INSC: variants seen among roughly 807,000 people sequenced by gnomAD.
The protein encoded by INSC is INSC spindle orientation adaptor protein.
A neutral mutation model predicts 58.6 loss-of-function variants in INSC; 67 were observed. That is an observed-to-expected ratio of 1.14 (90% CI 0.94 to 1.40). The LOEUF is 1.40. INSC is among the 40% of genes most tolerant of loss of function. INSC has a pLI of 0.00. For synonymous variants in INSC, 262 were observed against 276.1 expected, an observed-to-expected ratio of 0.95 and a Z score of 0.51; for missense variants, 714 against 692.0, an observed-to-expected ratio of 1.03 and a Z score of -0.36.
the INSC span, among the ~76,000 whole-genome samples, chr11:15,256,817 C>A: frequency 2.0e-5 from 3 of 151,832 alleles, no homozygotes; most frequent in African/African-American, 4.8e-5. Context: ...TGTGACTAGC[C>A]ATCAAAAGAC....
chr11:15,220,053 C>G (rs912731312), intron 7 of INSC, among the ~76,000 whole-genome samples: 4 of 152,228 alleles, frequency 2.6e-5, no homozygotes, highest in African/African-American at 4.8e-5. Flanking sequence ...ACATTTGTCT[C>G]CTTTGAGTCT....
rs141086910 is a variant in INSC at position 15,125,034 on chromosome 11, C to A, written c.-46+10031C>A. Among the ~76,000 whole-genome samples the A allele has an allele frequency of 1.3e-4, 20 of 152,172 alleles. No individual in the cohort carries two copies. The East Asian group carries it at 3.9e-3, about 29-fold the overall frequency. ...TGGACTGTAAACAGGGTACTATACA[C>A]CATAAAAAGTGTGAATACCATGGAG... On this transcript the variant is annotated intron_variant, in intron 1 of 12. Transcript: ENST00000379556.
chr11:15,231,304 A>C (rs1195235398), intron 9 of INSC, among the ~76,000 whole-genome samples: 1 of 152,194 alleles, frequency 6.6e-6, no homozygotes, highest in Non-Finnish European at 1.5e-5. Flanking sequence ...GAGCAGTGCT[A>C]TCCAATCTTT....
chr11:15,221,368 A>G, intron 7 of INSC, 109 bp from the exon 8 acceptor site: 2 of 1,310,742 alleles, frequency 1.5e-6, no homozygotes, highest in Non-Finnish European at 1.1e-6. Context: ...CTGGGAAGCC[A>G]GAGCTGGCTT....
intron 2 of INSC, among the ~76,000 whole-genome samples, chr11:15,168,275 C>G (rs1418012373): frequency 3.3e-5 from 5 of 152,136 alleles, no homozygotes; most frequent in African/African-American, 1.2e-4. Context: ...CCTCCCACTA[C>G]CCCACTGACA....
rs74634073 is a variant in INSC, at chr11:15,185,933, G to T, written c.580-4768G>T. On this transcript the variant is annotated intron_variant, in intron 5 of 12. Transcript: ENST00000379556. ...ATATTTTTCAAAATGTTTTTAGGGT[G>T]AAATGAGAAAAAAATTCTTTTGACA... Among the ~76,000 whole-genome samples the T allele has an allele frequency of 1.2e-4, 18 of 152,252 alleles. No individual in the cohort carries two copies. The East Asian group carries it at 3.3e-3, about 28-fold the overall frequency.
At chr11:15,236,045 G>C (rs907354990) in intron 10 of INSC, among the ~76,000 whole-genome samples, 2 of 120,208 alleles carry the variant, frequency 1.7e-5, no homozygotes, top group Admixed American at 1.9e-4. Flanking sequence ...AACAGAGCGA[G>C]ACTCTGTCTC....
intron 6 of INSC, 93 bp from the exon 7 acceptor site, chr11:15,200,731 C>A: frequency 1.3e-6 from 2 of 1,567,684 alleles, no homozygotes; most frequent in South Asian, 1.2e-5. Context: ...GACCCGAAAG[C>A]ATATCTGGCG....
At chr11:15,257,627 G>T in the INSC span, among the ~76,000 whole-genome samples, 17 of 152,044 alleles carry the variant, frequency 1.1e-4, no homozygotes, top group African/African-American at 4.1e-4. Context: ...TAGTTAAAAT[G>T]AGGTCATATT....
At chr11:15,118,747 A>C (rs1229828146) in intron 1 of INSC, among the ~76,000 whole-genome samples, 1 of 152,238 alleles carries the variant, frequency 6.6e-6, no homozygotes, top group Non-Finnish European at 1.5e-5. Flanking sequence ...AAGCTCAACC[A>C]AGTGAAAACA....
intron 5 of INSC, among the ~76,000 whole-genome samples, chr11:15,180,570 C>G (rs983179254): frequency 6.6e-6 from 1 of 151,584 alleles, no homozygotes; most frequent in Non-Finnish European, 1.5e-5. Flanking sequence ...GTTCCCTGCT[C>G]TATTGCCAGG....
At chr11:15,210,330 G>A (rs1850970338) in intron 7 of INSC, among the ~76,000 whole-genome samples, 1 of 151,852 alleles carries the variant, frequency 6.6e-6, no homozygotes, top group African/African-American at 2.4e-5. Flanking sequence ...GTAATGTGAT[G>A]AACAAAAGTT....
At chr11:15,200,514 G>C (rs753215488) in intron 6 of INSC, among the ~76,000 whole-genome samples, 2 of 152,036 alleles carry the variant, frequency 1.3e-5, no homozygotes, top group Non-Finnish European at 2.9e-5. Context: ...TGGGAACCCT[G>C]TTGAAGGGTA....
chr11:15,249,945 T>C (rs560930892), downstream of INSC, among the ~76,000 whole-genome samples: 1 of 152,242 alleles, frequency 6.6e-6, no homozygotes, highest in African/African-American at 2.4e-5. Flanking sequence ...ACAGATCAGG[T>C]TGGAATGGGG....
At chr11:15,221,859 C>T (rs1014458631) in intron 8 of INSC, among the ~76,000 whole-genome samples, 3 of 152,152 alleles carry the variant, frequency 2.0e-5, no homozygotes, top group Admixed American at 6.5e-5. Context: ...AAAATGTGTG[C>T]GGCCCTCTGA....
chr11:15,263,666 G>A, the INSC span, among the ~76,000 whole-genome samples: 1 of 152,104 alleles, frequency 6.6e-6, no homozygotes, highest in Non-Finnish European at 1.5e-5. Context: ...TTACAGTTCT[G>A]TAGGTAGGAA....
intron 7 of INSC, among the ~76,000 whole-genome samples, chr11:15,201,501 T>C (rs946412826): frequency 2.6e-5 from 4 of 151,884 alleles, no homozygotes; most frequent in African/African-American, 9.7e-5. Context: ...AGGAGGAAGG[T>C]GGTGATGTGA....
intron 7 of INSC, among the ~76,000 whole-genome samples, chr11:15,212,430 G>A (rs1477557441): frequency 1.3e-5 from 2 of 152,048 alleles, no homozygotes. Flanking sequence ...ACTGGGCCCT[G>A]CCGTGAGCCA....
chr11:15,116,872 TCTCTCCCC>T (rs1847724457), intron 1 of INSC, among the ~76,000 whole-genome samples: 1 of 45,912 alleles, frequency 2.2e-5, no homozygotes, highest in African/African-American at 1.0e-4. Flanking sequence ...TCTCTCTCTC[TCTCTCCCC>T]CTCCCTCCCT....
Sources: gnomAD v4.1 joint callset for allele counts (sites outside exome capture counted in the v4.1 genomes callset) on GRCh38, gnomAD v4.1.1 for gene constraint, MANE v1.5 for transcripts, NCBI Gene and HGNC (gene_info 2026-07-23, HGNC 2026-07-21) for gene names.